FUT2: variants seen among roughly 807,000 people sequenced by gnomAD.
The protein encoded by FUT2 is galactoside alpha-(1,2)-fucosyltransferase 2.
For missense variants in FUT2, 419 were observed against 465.8 expected (o/e 0.90, Z 0.93); for synonymous variants, 182 against 193.1 (o/e 0.94, Z 0.48).
At position 48,703,378 on chromosome 19, in the gene FUT2, C is replaced by T. The variant is rs754080679; in HGVS notation, c.422C>T (p.Pro141Leu). ...ATGGAGGAGGAATACCGCCACATCC[C>T]GGGGGAGTACGTCCGCTTCACCGGC... ...DWMEEEYRHIPGEYVRFTGYP... is the reference protein window; with the variant it reads ...DWMEEEYRHILGEYVRFTGYP... Residue 141 changes from proline to leucine, a missense_variant, in exon 2 of 2, where the codon CCG (proline) becomes CTG (leucine). Pro to Leu is a moderately conservative substitution (Grantham distance 98, BLOSUM62 -3). Coordinates refer to ENST00000425340, the MANE Select transcript of FUT2 (RefSeq NM_000511.6). 2.4e-5 allele frequency: 38 copies of T among 1,612,974 alleles called. No homozygotes were observed. Among genetic ancestry groups the T allele is most frequent in the South Asian group, 4.4e-5 (4 of 90,642 alleles).
intron 1 of FUT2, among the ~76,000 whole-genome samples, chr19:48,697,508 C>G (rs2032436870): frequency 6.6e-6 from 1 of 151,548 alleles, no homozygotes; most frequent in African/African-American, 2.4e-5. Context: ...CCCTCCCCAC[C>G]ATCCCTACAA....
At chr19:48,697,382 G>C (rs1474762617) in intron 1 of FUT2, among the ~76,000 whole-genome samples, 1 of 146,532 alleles carries the variant, frequency 6.8e-6, no homozygotes, top group African/African-American at 2.5e-5. Flanking sequence ...CAGTAAGATA[G>C]ACCAGGTGTG....
intron 1 of FUT2, among the ~76,000 whole-genome samples, chr19:48,697,318 C>A (rs1229817916): frequency 2.3e-5 from 3 of 131,176 alleles, no homozygotes; most frequent in Non-Finnish European, 4.6e-5. Context: ...GCACTCCAGC[C>A]TGGGGAACAA....
Position 48,704,016 on chromosome 19 carries a change from T to TCCTTC in FUT2, c.*29_*33dup. On this transcript the variant is annotated 3_prime_UTR_variant, in exon 2 of 2. Transcript: ENST00000425340. ...CTGGCCCATTCTTTGAGACCTTTTC[T>TCCTTC]CCTTCTCTGCCTCCCTCAAGATGAG... The TCCTTC allele has an allele frequency of 6.3e-7, 1 of 1,599,710 alleles. No homozygotes were observed. Among genetic ancestry groups the TCCTTC allele is most frequent in the South Asian group, 1.1e-5 (1 of 89,996 alleles).
rs485186 is a variant in FUT2 at position 48,703,949 on chromosome 19, A to G, written c.993A>G (p.Thr331=). Residue 331 remains threonine, a synonymous_variant, in exon 2 of 2, where the codon ACA becomes ACG. Transcript: ENST00000425340. ...AGGCAGCCTTCCTGCCGGAGTGGAC[A>G]GGGATTGCCGCAGACCTGTCCCCCT... is the stretch of plus-strand genomic sequence containing the variant. ...KPEAAFLPEW[T]GIAADLSPLL... The G allele has an allele frequency of 0.48, 780,461 of 1,613,000 alleles. 200,381 individuals are homozygous for G. The highest frequency in any genetic ancestry group is 0.54 in the Middle Eastern group (3,285 of 6,062).
chr19:48,700,937 T>C (rs2032505767), intron 1 of FUT2, among the ~76,000 whole-genome samples: 1 of 151,948 alleles, frequency 6.6e-6, no homozygotes, highest in Non-Finnish European at 1.5e-5. Flanking sequence ...ACAAGCAGCT[T>C]GCAGAAAATT....
intron 1 of FUT2, among the ~76,000 whole-genome samples, chr19:48,698,374 T>C (rs953262569): frequency 2.0e-5 from 3 of 151,774 alleles, no homozygotes; most frequent in African/African-American, 7.3e-5. Context: ...CCTTCCTGGG[T>C]AAGGAGGTAG....
intron 1 of FUT2, among the ~76,000 whole-genome samples, chr19:48,699,828 T>C (rs1161408796): frequency 6.6e-6 from 1 of 151,976 alleles, no homozygotes; most frequent in Non-Finnish European, 1.5e-5. Flanking sequence ...TGAAAGGATA[T>C]ACTTTTGTAG....
rs537365058 is a variant in FUT2 at position 48,705,268 on chromosome 19, G to A, written c.*1280G>A. Reference sequence around the variant, plus strand: ...TAGGATTACAGGTGCGTGCCACCACGCCCAGCTAATTTTTATATGTTTAGT... The same window carrying A: ...TAGGATTACAGGTGCGTGCCACCACACCCAGCTAATTTTTATATGTTTAGT... On this transcript the variant is annotated 3_prime_UTR_variant, in exon 2 of 2. Coordinates refer to ENST00000425340, the MANE Select transcript of FUT2 (RefSeq NM_000511.6). The A allele has an allele frequency of 3.4e-4, 52 of 153,508 alleles. No individual in the cohort carries two copies. The highest frequency in any genetic ancestry group is 5.7e-4 in the Non-Finnish European group (39 of 68,578). The allele number at this position is 153,508 out of a possible 1,614,324, so 9.5% of individuals were successfully genotyped here. A position where few individuals can be genotyped will look rare whatever the true frequency, so the allele number is the denominator to read the frequency against.
In FUT2 at chr19:48,704,786, A is replaced by G. The variant is rs928995586; in HGVS notation, c.*798A>G. ...GATGGGTAGGAATTGTCACATACCC[A>G]TGTGACCCGATAGGAGGCAAAAGAA... On this transcript the variant is annotated 3_prime_UTR_variant, in exon 2 of 2. Coordinates refer to ENST00000425340, the MANE Select transcript of FUT2 (RefSeq NM_000511.6). 2.4e-6 allele frequency: 1 copy of G among 413,320 alleles called. No individual in the cohort carries two copies. 25.6% of individuals were successfully genotyped at this position (413,320 alleles called of 1,614,324 possible).
In FUT2 at chr19:48,703,648, G is replaced by A. The variant is rs368093519; in HGVS notation, c.692G>A (p.Arg231Gln). ...RYLQQALDWF[R>Q]ARYSSLIFVV... The stretch of plus-strand genomic sequence containing the variant: ...CTACAGCAGGCCCTGGACTGGTTCC[G>A]AGCTCGCTACAGCTCCCTCATCTTC... The change falls in exon 2 of 2, where the codon CGA (arginine) becomes CAA (glutamine). Residue 231 changes from arginine to glutamine, a missense_variant. Arg to Gln is a conservative substitution (Grantham distance 43). Coordinates refer to ENST00000425340, the MANE Select transcript of FUT2 (RefSeq NM_000511.6). The A allele has an allele frequency of 1.6e-5, 26 of 1,613,500 alleles. 2 individuals carry two copies. The Admixed American group carries it at 2.3e-4, about 14-fold the overall frequency.
chr19:48,703,823 G>A lies in FUT2; in HGVS notation c.867G>A (p.Gly289=), dbSNP rs2032579689. 2.5e-6 allele frequency: 4 copies of A among 1,613,590 alleles called. No individual in the cohort carries two copies. The East Asian group carries it at 6.7e-5, about 27-fold the overall frequency. The change falls in exon 2 of 2, where the codon GGG becomes GGA. Residue 289 remains glycine, a synonymous_variant. Transcript: ENST00000425340. ...GTAACCACACCATCATGACCATTGG[G>A]ACGTTCGGGATCTGGGCCGCATACC... ...TQCNHTIMTI[G]TFGIWAAYLT...
At chr19:48,700,436 C>T (rs1009911617) in intron 1 of FUT2, among the ~76,000 whole-genome samples, 3 of 151,750 alleles carry the variant, frequency 2.0e-5, no homozygotes, top group Non-Finnish European at 2.9e-5. Context: ...ATGCCATTCT[C>T]CTGCCTCAAC....
At position 48,703,647 on chromosome 19, in the gene FUT2, C is replaced by A; in HGVS notation, c.691C>A (p.Arg231=). ...RYLQQALDWF[R]ARYSSLIFVV... ...CCTACAGCAGGCCCTGGACTGGTTC[C>A]GAGCTCGCTACAGCTCCCTCATCTT... is the stretch of plus-strand genomic sequence containing the variant. Residue 231 remains arginine (R), a synonymous_variant, in exon 2 of 2, where the codon CGA becomes AGA. Transcript: ENST00000425340. The A allele has an allele frequency of 6.2e-7, 1 of 1,613,666 alleles. No individual in the cohort carries two copies. Among genetic ancestry groups the A allele is most frequent in the Non-Finnish European group, 8.5e-7 (1 of 1,180,024 alleles).
At chr19:48,700,572 C>T (rs35106244) in intron 1 of FUT2, among the ~76,000 whole-genome samples, 44,030 of 151,858 alleles carry the variant, frequency 0.29, 8,397 homozygotes, top group Non-Finnish European at 0.43. Context: ...ACCTCATGAT[C>T]CGCCCGCCTT....
chr19:48,701,021 A>G (rs191602957), intron 1 of FUT2, among the ~76,000 whole-genome samples: 1 of 152,150 alleles, frequency 6.6e-6, no homozygotes, highest in East Asian at 1.9e-4. Context: ...GGGGTTGTGT[A>G]GGTTGTTCAC....
In FUT2 at chr19:48,703,842, G is replaced by A. The variant is rs79097987; in HGVS notation, c.886G>A (p.Ala296Thr). The A allele has an allele frequency of 3.2e-5, 52 of 1,613,568 alleles. 2 individuals carry two copies. The East Asian group carries it at 5.8e-4, about 18-fold the overall frequency. ...CATTGGGACGTTCGGGATCTGGGCC[G>A]CATACCTCACGGGCGGAGACACCAT... is the stretch of plus-strand genomic sequence containing the variant. ...MTIGTFGIWAAYLTGGDTIYL... is the reference protein window; with the variant it reads ...MTIGTFGIWATYLTGGDTIYL... The change falls in exon 2 of 2, where the codon GCA (alanine) becomes ACA (threonine). Residue 296 changes from alanine (A) to threonine (T), a missense_variant. By Grantham distance (58) the Ala-to-Thr change is moderately conservative (BLOSUM62 0). Transcript: ENST00000425340.
At position 48,704,490 on chromosome 19, in the gene FUT2, A is replaced by G; in HGVS notation, c.*502A>G. On this transcript the variant is annotated 3_prime_UTR_variant, in exon 2 of 2. Transcript: ENST00000425340. ...TTCAAAGACCATAATCATGCATATC[A>G]CATAAGACCAGAAGTGGCCCAGGTC... 2.4e-6 allele frequency: 1 copy of G among 413,012 alleles called. No individual in the cohort carries two copies. The highest frequency in any genetic ancestry group is 3.5e-5 in the East Asian group (1 of 28,748). 25.6% of individuals were successfully genotyped at this position (413,012 alleles called of 1,614,324 possible).
At position 48,703,026 on chromosome 19, in the gene FUT2, A is replaced by T. The variant is rs376670205; in HGVS notation, c.70A>T (p.Thr24Ser). ...HFILFVFTVS[T>S]IFHVQQRLAK... ...CATCCTCTTTGTCTTTACGGTTTCC[A>T]CTATATTTCACGTTCAGCAGCGGCT... Residue 24 changes from threonine to serine, a missense_variant, in exon 2 of 2, where the codon ACT becomes TCT. Coordinates refer to ENST00000425340, the MANE Select transcript of FUT2 (RefSeq NM_000511.6). The T allele has an allele frequency of 6.2e-7, 1 of 1,612,828 alleles. No individual in the cohort carries two copies.
Sources: allele counts gnomAD v4.1 joint callset (sites outside exome capture counted in the v4.1 genomes callset), GRCh38; gene constraint gnomAD v4.1.1; transcripts MANE v1.5; gene names NCBI Gene and HGNC (gene_info 2026-07-23, HGNC 2026-07-21).